SUMF1: variants seen among roughly 807,000 people sequenced by gnomAD.
SUMF1 encodes the protein sulfatase modifying factor 1.
SUMF1 carries 48 observed loss-of-function variants against 47.6 expected under a neutral mutation model. The ratio of observed to expected loss-of-function variants is 1.01; its 90% CI spans 0.80 to 1.28. The LOEUF is 1.28. Among genes scored for constraint, SUMF1 ranks in the 50% most tolerant of loss-of-function variants. SUMF1 has a pLI of 0.00. For missense variants in SUMF1, 571 were observed against 485.4 expected, an observed-to-expected ratio of 1.18 and a Z score of -1.66; for synonymous variants, 230 against 192.1, an observed-to-expected ratio of 1.20 and a Z score of -1.63.
chr3:4,332,612 T>A (rs1408629063), intron 8 of SUMF1, among the ~76,000 whole-genome samples: 1 of 152,180 alleles, frequency 6.6e-6, no homozygotes, highest in African/African-American at 2.4e-5. Context: ...AGATGTTTCT[T>A]TTACAAAGGA....
intron 1 of SUMF1, among the ~76,000 whole-genome samples, chr3:4,456,037 G>A (rs940017740): frequency 6.6e-6 from 1 of 152,010 alleles, no homozygotes; most frequent in Non-Finnish European, 1.5e-5. Flanking sequence ...AATTAAGTGG[G>A]GTTTATCCCT....
At chr3:4,187,028 G>C (rs1453338407) in intron 8 of SUMF1, among the ~76,000 whole-genome samples, 1 of 152,116 alleles carries the variant, frequency 6.6e-6, no homozygotes, top group Non-Finnish European at 1.5e-5. Flanking sequence ...GATGTGTTGG[G>C]ACTATACAAC....
At chr3:4,126,995 T>G (rs1373208954) in intron 8 of SUMF1, among the ~76,000 whole-genome samples, 1 of 152,154 alleles carries the variant, frequency 6.6e-6, no homozygotes, top group Non-Finnish European at 1.5e-5. Flanking sequence ...AGAAATCTAC[T>G]GTGACCAAAA....
intron 1 of SUMF1, among the ~76,000 whole-genome samples, chr3:4,459,154 T>C (rs1032690573): frequency 6.6e-6 from 1 of 152,152 alleles, no homozygotes; most frequent in Admixed American, 6.5e-5. Context: ...AAGTAATGCA[T>C]TATATATTTC....
At chr3:4,441,434 T>C (rs1702584112) in intron 3 of SUMF1, among the ~76,000 whole-genome samples, 1 of 152,152 alleles carries the variant, frequency 6.6e-6, no homozygotes, top group Non-Finnish European at 1.5e-5. Flanking sequence ...AAGTACACAA[T>C]AAATATAATT....
intron 8 of SUMF1, among the ~76,000 whole-genome samples, chr3:4,225,109 G>GA (rs146107754): frequency 0.23 from 34,801 of 151,942 alleles, 5,499 homozygotes; most frequent in African/African-American, 0.44. Context: ...ATTTGAAGGA[G>GA]AAAAAAGGAA....
chr3:4,254,699 T>C (rs1696902301), intron 8 of SUMF1, among the ~76,000 whole-genome samples: 1 of 149,616 alleles, frequency 6.7e-6, no homozygotes, highest in South Asian at 2.2e-4. Context: ...TGCAGGAAAT[T>C]ATCCAGGAGA....
chr3:4,137,125 T>C (rs1193396681), intron 8 of SUMF1, among the ~76,000 whole-genome samples: 1 of 152,076 alleles, frequency 6.6e-6, no homozygotes, highest in South Asian at 2.1e-4. Context: ...ATACTGGGTA[T>C]ATACCCAAAG....
chr3:4,285,735 G>C (rs1022404012), intron 8 of SUMF1, among the ~76,000 whole-genome samples: 1 of 152,070 alleles, frequency 6.6e-6, no homozygotes, highest in East Asian at 1.9e-4. Context: ...TAAGTGATCA[G>C]TACTGTATGA....
Position 4,096,263 on chromosome 3 carries a change from T to G in SUMF1, c.1015-27518A>C, listed in dbSNP as rs539720475. 5.3e-5 allele frequency among the ~76,000 whole-genome samples: 8 copies of G among 152,228 alleles called. No individual in the cohort carries two copies. The South Asian group carries it at 1.5e-3, about 28-fold the overall frequency. ...ATCATGCCTGAGAACTTCCAGTAAG[T>G]ACGGAGTGAGGACTGCAACACAAGG... On this transcript the variant is annotated intron_variant and NMD_transcript_variant, in intron 8 of 12. Coordinates refer to the SUMF1 transcript ENST00000448413.
intron 7 of SUMF1, among the ~76,000 whole-genome samples, chr3:4,393,518 A>G (rs1455935422): frequency 6.6e-6 from 1 of 152,058 alleles, no homozygotes; most frequent in Non-Finnish European, 1.5e-5. Context: ...TTTTTTATAG[A>G]GACAACATCT....
In SUMF1 at chr3:4,420,589, G is replaced by C. The variant is rs1701863679; in HGVS notation, c.520-443C>G. ...TTTTTTGTATTTTTACTAGAGACAG[G>C]GTTTCACTCTGTTAGCCAGGATGGT... On this transcript the variant is annotated intron_variant, in intron 3 of 8. Transcript: ENST00000272902. 2.0e-5 allele frequency among the ~76,000 whole-genome samples: 3 copies of C among 151,950 alleles called. No individual in the cohort carries two copies. In the South Asian group the frequency reaches 6.2e-4, roughly 32 times the overall value.
chr3:4,381,709 T>G (rs1700509745), intron 7 of SUMF1, among the ~76,000 whole-genome samples: 1 of 152,144 alleles, frequency 6.6e-6, no homozygotes, highest in Non-Finnish European at 1.5e-5. Flanking sequence ...TATAGAGGAA[T>G]TCCAGATAAT....
At chr3:4,177,254 TCA>T (rs1398228339) in intron 8 of SUMF1, among the ~76,000 whole-genome samples, 1 of 152,096 alleles carries the variant, frequency 6.6e-6, no homozygotes, top group Admixed American at 6.6e-5. Context: ...CAGTACCACA[TCA>T]CAGTTATTCT....
At chr3:4,428,422 T>C (rs1283094206) in intron 3 of SUMF1, among the ~76,000 whole-genome samples, 2 of 152,170 alleles carry the variant, frequency 1.3e-5, no homozygotes, top group Non-Finnish European at 2.9e-5. Flanking sequence ...GGCACTATCA[T>C]AGCTCACTGT....
At chr3:4,281,297 T>C (rs1697524675) in intron 8 of SUMF1, among the ~76,000 whole-genome samples, 1 of 152,080 alleles carries the variant, frequency 6.6e-6, no homozygotes, top group South Asian at 2.1e-4. Flanking sequence ...TGTGATGTTA[T>C]TATAGCTTTG....
intron 8 of SUMF1, among the ~76,000 whole-genome samples, chr3:4,145,780 G>A (rs949170613): frequency 6.6e-6 from 1 of 152,140 alleles, no homozygotes; most frequent in African/African-American, 2.4e-5. Context: ...AGACAGTTGA[G>A]GCAAAGGATA....
chr3:4,221,865 CAAATGTT>C (rs1696071930), intron 8 of SUMF1, among the ~76,000 whole-genome samples: 1 of 151,918 alleles, frequency 6.6e-6, no homozygotes, highest in Non-Finnish European at 1.5e-5. Flanking sequence ...TATATATACT[CAAATGTT>C]AATAGTAATA....
At chr3:4,134,432 T>C (rs146288292) in intron 8 of SUMF1, among the ~76,000 whole-genome samples, 4,665 of 152,054 alleles carry the variant, frequency 0.031, 264 homozygotes, top group African/African-American at 0.11. Flanking sequence ...AGAACAAAGA[T>C]ACAACATACC....
Sources: allele counts gnomAD v4.1 joint callset (sites outside exome capture counted in the v4.1 genomes callset), GRCh38; gene constraint gnomAD v4.1.1; transcripts MANE v1.5; gene names NCBI Gene and HGNC (gene_info 2026-07-23, HGNC 2026-07-21).